USP50: variants seen among roughly 807,000 people sequenced by gnomAD.
The protein encoded by USP50 is ubiquitin specific peptidase 50, also known as ubiquitin carboxyl-terminal hydrolase 50.
In USP50, 37 loss-of-function variants were observed where a neutral mutation model predicts 39.2. That is an observed-to-expected ratio of 0.94 (90% CI 0.73 to 1.24). The LOEUF is 1.24. Among genes scored for constraint, USP50 ranks in the 50% most tolerant of loss-of-function variants. The probability of loss-of-function intolerance (pLI) is 0.00; values close to 1 mark genes in which losing one functional copy is unlikely to be tolerated. For missense variants in USP50, 374 were observed against 398.2 expected, an observed-to-expected ratio of 0.94 and a Z score of 0.52; for synonymous variants, 139 against 144.5, an observed-to-expected ratio of 0.96 and a Z score of 0.27.
At chr15:50,504,113 T>C (rs937780509) in intron 6 of USP50, 5 of 152,156 alleles carry the variant, frequency 3.3e-5, no homozygotes, top group East Asian at 1.9e-4. Context: ...AATAAAAATA[T>C]ACATATTTTA....
intron 6 of USP50, among the ~76,000 whole-genome samples, chr15:50,520,975 A>T (rs1173946742): frequency 6.6e-6 from 1 of 152,234 alleles, no homozygotes; most frequent in Non-Finnish European, 1.5e-5. Context: ...AAGATTGGAA[A>T]TATTTCCAAC....
At chr15:50,535,458 CT>C (rs1406612681) in intron 5 of USP50, among the ~76,000 whole-genome samples, 1 of 152,208 alleles carries the variant, frequency 6.6e-6, no homozygotes, top group Non-Finnish European at 1.5e-5. Context: ...TTAAAACACA[CT>C]TTAACAAATT....
rs752534349 is a variant in USP50 at position 50,529,926 on chromosome 15, A to G, written c.807T>C (p.Phe269=). 1.9e-6 allele frequency: 3 copies of G among 1,613,706 alleles called. No individual in the cohort carries two copies. The highest frequency in any genetic ancestry group is 2.2e-5 in the East Asian group (1 of 44,872). ...PKIIIFHLKR[F]DIQGTTKRKL... Reference sequence around the variant, plus strand: ...TCCTTTTTGTTGTACCCTGAATGTCAAACCTGCAGGTATAATAAATGTGTG... The same window carrying G: ...TCCTTTTTGTTGTACCCTGAATGTCGAACCTGCAGGTATAATAAATGTGTG... Residue 269 remains phenylalanine, a synonymous_variant, in exon 6 of 7, where the codon TTT becomes TTC. Transcript: ENST00000532404.
At chr15:50,506,981 A>C in intron 6 of USP50, 1 of 152,916 alleles carries the variant, frequency 6.5e-6, no homozygotes, top group Non-Finnish European at 1.4e-5. Flanking sequence ...AAAAAAAAAA[A>C]AAAAAAAAAT....
chr15:50,512,354 G>A (rs1363185583), intron 6 of USP50: 2 of 145,344 alleles, frequency 1.4e-5, no homozygotes, highest in Non-Finnish European at 2.9e-5. Flanking sequence ...GAGAGATCGA[G>A]AGAGAGTGCA....
intron 6 of USP50, chr15:50,509,871 C>T (rs1056394427): frequency 7.9e-5 from 12 of 151,862 alleles, no homozygotes; most frequent in Non-Finnish European, 1.6e-4. Flanking sequence ...ATATTTTTTA[C>T]AGAAATTGAC....
At chr15:50,504,031 G>T (rs920185387) in intron 6 of USP50, 1 of 152,106 alleles carries the variant, frequency 6.6e-6, no homozygotes, top group Non-Finnish European at 1.5e-5. Context: ...ATAGTTGGCC[G>T]TCCATATTTA....
chr15:50,501,051 T>G (rs1164972980), intron 6 of USP50: 1 of 496,440 alleles, frequency 2.0e-6, no homozygotes, highest in Non-Finnish European at 3.7e-6. Flanking sequence ...TTGACTATCA[T>G]CTGTGAATAA....
chr15:50,527,706 C>G (rs2052909622), intron 6 of USP50, among the ~76,000 whole-genome samples: 1 of 151,366 alleles, frequency 6.6e-6, no homozygotes, highest in Non-Finnish European at 1.5e-5. Flanking sequence ...CCCAATATCG[C>G]TCACTGCAAC....
At chr15:50,529,520 C>T (rs983543395) in intron 6 of USP50, among the ~76,000 whole-genome samples, 7 of 152,150 alleles carry the variant, frequency 4.6e-5, no homozygotes, top group Non-Finnish European at 8.8e-5. Flanking sequence ...TTGGAACCAA[C>T]TTCTGCTGCT....
At position 50,536,166 on chromosome 15, in the gene USP50, C is replaced by T. The variant is rs566106521; in HGVS notation, c.803+2543G>A. On this transcript the variant is annotated intron_variant, in intron 5 of 6. Transcript: ENST00000532404. ...GACAAGAAAATAACAGGTATAGAGA[C>T]AGGGAAGTAAGAAATAAAACCGTCT... is the stretch of plus-strand genomic sequence containing the variant. Among the ~76,000 whole-genome samples, 6 of 152,052 alleles carry T rather than the reference C, an allele frequency of 3.9e-5. No homozygotes were observed. The South Asian group carries it at 1.2e-3, about 32-fold the overall frequency.
At chr15:50,531,824 T>G (rs2052942698) in intron 5 of USP50, among the ~76,000 whole-genome samples, 1 of 152,174 alleles carries the variant, frequency 6.6e-6, no homozygotes, top group South Asian at 2.1e-4. Context: ...AAGTCACCAT[T>G]CTGTCCTAAC....
Position 50,543,596 on chromosome 15 carries a change from AC to A in USP50, c.444+1del. The A allele has an allele frequency of 1.2e-6, 2 of 1,611,614 alleles. No individual in the cohort carries two copies. Among genetic ancestry groups the A allele is most frequent in the Non-Finnish European group, 1.7e-6 (2 of 1,178,666 alleles). On this transcript the variant is annotated splice_donor_variant, in intron 3 of 6. Coordinates refer to ENST00000532404, the MANE Select transcript of USP50 (RefSeq NM_203494.5). LOFTEE classifies it high-confidence loss of function. Reference sequence around the variant, plus strand: ...TATTTCAAGGTCATTAACTCTACTTACCTTTTTTAGAGCTTCATGAAGTTCA... The same window carrying A: ...TATTTCAAGGTCATTAACTCTACTTACTTTTTTAGAGCTTCATGAAGTTCA...
intron 6 of USP50, chr15:50,510,164 G>A (rs2052718713): frequency 6.6e-6 from 1 of 151,226 alleles, no homozygotes; most frequent in Admixed American, 6.6e-5. Flanking sequence ...ATATGTTACT[G>A]AGGAAAAGAA....
chr15:50,519,308 T>G, intron 6 of USP50, among the ~76,000 whole-genome samples: 1 of 146,834 alleles, frequency 6.8e-6, no homozygotes, highest in Non-Finnish European at 1.5e-5. Flanking sequence ...TACAATACAA[T>G]AAAAAAAAAG....
At chr15:50,543,504 G>T in intron 3 of USP50, 94 bp downstream of exon 3, 1 of 1,254,700 alleles carries the variant, frequency 8.0e-7, no homozygotes, top group Non-Finnish European at 1.1e-6. Flanking sequence ...GCACAAAGTA[G>T]ACAATATTAA....
intron 2 of USP50, among the ~76,000 whole-genome samples, chr15:50,544,204 C>CA (rs1213644647): frequency 2.7e-5 from 4 of 150,852 alleles, no homozygotes; most frequent in Admixed American, 2.0e-4. Flanking sequence ...TACAAAAATA[C>CA]AAAAAAAATT....
intron 6 of USP50, among the ~76,000 whole-genome samples, chr15:50,519,573 G>A: frequency 6.6e-6 from 1 of 152,016 alleles, no homozygotes; most frequent in Non-Finnish European, 1.5e-5. Flanking sequence ...AAATTAGGCG[G>A]GTGCGGTGGC....
At chr15:50,520,177 C>T (rs1017489813) in intron 6 of USP50, among the ~76,000 whole-genome samples, 1 of 152,034 alleles carries the variant, frequency 6.6e-6, no homozygotes, top group Admixed American at 6.6e-5. Flanking sequence ...GGCATGGTGG[C>T]CTATGCCTGT....
Sources: gnomAD v4.1 joint callset for allele counts (sites outside exome capture counted in the v4.1 genomes callset) on GRCh38, gnomAD v4.1.1 for gene constraint, MANE v1.5 for transcripts, NCBI Gene and HGNC (gene_info 2026-07-23, HGNC 2026-07-21) for gene names.